The following ATRNL1 variants were observed in gnomAD, a reference collection of about 807,000 sequenced individuals.
The protein encoded by ATRNL1 is attractin-like protein 1.
A neutral mutation model predicts 182.7 loss-of-function variants in ATRNL1; 95 were observed. The observed-to-expected ratio is 0.52, with a 90% CI of 0.44 to 0.62. The LOEUF is 0.62. ATRNL1 is among the 20% of genes least tolerant of loss of function. The pLI, the probability that ATRNL1 is intolerant of heterozygous loss-of-function variation, is 0.00. For synonymous variants in ATRNL1, 576 were observed against 568.3 expected (o/e 1.01, Z -0.19); for missense variants, 1,471 against 1,679.5 (o/e 0.88, Z 2.17).
chr10:115,612,607 G>A (rs1857221179), intron 26 of ATRNL1, among the ~76,000 whole-genome samples: 1 of 152,192 alleles, frequency 6.6e-6, no homozygotes, highest in Non-Finnish European at 1.5e-5. Flanking sequence ...GGTCCTTGTG[G>A]AGACAGTATG....
At chr10:115,677,916 T>A (rs1354466234) in intron 26 of ATRNL1, among the ~76,000 whole-genome samples, 2 of 152,004 alleles carry the variant, frequency 1.3e-5, no homozygotes, top group African/African-American at 4.8e-5. Context: ...CCAGCAGATA[T>A]CGGGCATAGT....
chr10:115,707,679 T>C (rs1946943907), intron 26 of ATRNL1, among the ~76,000 whole-genome samples: 1 of 151,798 alleles, frequency 6.6e-6, no homozygotes, highest in African/African-American at 2.4e-5. Context: ...GTTATTAAGA[T>C]TCCTTGAAAA....
chr10:115,404,625 A>C (rs551575084), intron 20 of ATRNL1, among the ~76,000 whole-genome samples: 5 of 152,194 alleles, frequency 3.3e-5, no homozygotes, highest in African/African-American at 4.8e-5. Flanking sequence ...ATATTCTTCC[A>C]TGAGTAATTA....
intron 26 of ATRNL1, among the ~76,000 whole-genome samples, chr10:115,552,988 A>T (rs1379172411): frequency 1.3e-5 from 2 of 151,370 alleles, no homozygotes; most frequent in African/African-American, 4.8e-5. Flanking sequence ...TAGTCATCAC[A>T]TTACTGAAAT....
intron 1 of ATRNL1, among the ~76,000 whole-genome samples, chr10:115,116,985 A>G (rs1844514769): frequency 6.6e-6 from 1 of 152,004 alleles, no homozygotes; most frequent in African/African-American, 2.4e-5. Flanking sequence ...CAGTTCCTTC[A>G]CATCACTTAT....
intron 28 of ATRNL1, among the ~76,000 whole-genome samples, chr10:115,885,055 A>T (rs1589647827): frequency 1.3e-5 from 2 of 152,368 alleles, no homozygotes; most frequent in Non-Finnish European, 2.9e-5. Context: ...TTTAGAGAAT[A>T]GAAATTACCA....
intron 9 of ATRNL1, among the ~76,000 whole-genome samples, chr10:115,221,562 G>C (rs1477689881): frequency 6.6e-6 from 1 of 152,138 alleles, no homozygotes; most frequent in Non-Finnish European, 1.5e-5. Flanking sequence ...ATTTGTCAGA[G>C]ATTTAGGAGA....
At chr10:115,180,366 G>A (rs958307433) in intron 8 of ATRNL1, among the ~76,000 whole-genome samples, 1 of 151,666 alleles carries the variant, frequency 6.6e-6, no homozygotes, top group Non-Finnish European at 1.5e-5. Flanking sequence ...TGTTTATCAC[G>A]ATTATTACCA....
intron 26 of ATRNL1, among the ~76,000 whole-genome samples, chr10:115,656,652 G>T (rs1311427632): frequency 6.6e-6 from 1 of 152,196 alleles, no homozygotes; most frequent in African/African-American, 2.4e-5. Context: ...TAAAATGATT[G>T]TAAAATAAAA....
At chr10:115,721,384 A>C (rs1056078628) in intron 26 of ATRNL1, among the ~76,000 whole-genome samples, 1 of 152,154 alleles carries the variant, frequency 6.6e-6, no homozygotes, top group African/African-American at 2.4e-5. Context: ...TGGTATATAC[A>C]TATATATAAG....
chr10:115,367,771 C>A (rs193057341), intron 19 of ATRNL1, among the ~76,000 whole-genome samples: 2,130 of 80,876 alleles, frequency 0.026, 71 homozygotes, highest in Admixed American at 0.083. Context: ...TGTTGGAATA[C>A]CCTGCTGTGT....
At chr10:115,656,763 G>C (rs1323033348) in intron 26 of ATRNL1, among the ~76,000 whole-genome samples, 3 of 152,182 alleles carry the variant, frequency 2.0e-5, no homozygotes, top group Admixed American at 6.5e-5. Flanking sequence ...TTTTTGAACT[G>C]AGTGGTGGTA....
At chr10:115,423,061 A>G (rs1471341069) in intron 20 of ATRNL1, among the ~76,000 whole-genome samples, 6 of 152,194 alleles carry the variant, frequency 3.9e-5, no homozygotes, top group African/African-American at 1.4e-4. Flanking sequence ...ACAATAATTT[A>G]TTGTACATTT....
chr10:115,152,793 C>A (rs372770632), intron 5 of ATRNL1, among the ~76,000 whole-genome samples: 10 of 151,634 alleles, frequency 6.6e-5, no homozygotes, highest in Non-Finnish European at 1.0e-4. Flanking sequence ...GTCTTGTGCC[C>A]GTTTTCAAAG....
intron 27 of ATRNL1, among the ~76,000 whole-genome samples, chr10:115,821,987 G>A (rs1308492550): frequency 2.0e-5 from 3 of 152,092 alleles, no homozygotes; most frequent in Non-Finnish European, 4.4e-5. Context: ...AATCTACTCA[G>A]CACCACATCA....
chr10:115,668,927 C>G (rs1484716958), intron 26 of ATRNL1, among the ~76,000 whole-genome samples: 1 of 151,942 alleles, frequency 6.6e-6, no homozygotes, highest in African/African-American at 2.4e-5. Flanking sequence ...TGTCATTATT[C>G]CCCTCAGACA....
At chr10:115,272,946 A>G (rs1851936589) in intron 13 of ATRNL1, among the ~76,000 whole-genome samples, 1 of 152,156 alleles carries the variant, frequency 6.6e-6, no homozygotes, top group Non-Finnish European at 1.5e-5. Flanking sequence ...TACTGATGGC[A>G]GTTATGGCAG....
At chr10:115,511,242 T>G (rs1554982614) in intron 24 of ATRNL1, among the ~76,000 whole-genome samples, 2 of 151,954 alleles carry the variant, frequency 1.3e-5, no homozygotes, top group African/African-American at 4.8e-5. Context: ...ATGGAATAGA[T>G]TTCATCGTGG....
At chr10:115,920,110 ATCCT>A (rs1370316268) in intron 28 of ATRNL1, among the ~76,000 whole-genome samples, 2 of 152,162 alleles carry the variant, frequency 1.3e-5, no homozygotes, top group African/African-American at 4.8e-5. Flanking sequence ...GTCCAGTCTC[ATCCT>A]TCCTAACAAC....
Sources: gnomAD v4.1 joint callset for allele counts (sites outside exome capture counted in the v4.1 genomes callset) on GRCh38, gnomAD v4.1.1 for gene constraint, MANE v1.5 for transcripts, NCBI Gene and HGNC (gene_info 2026-07-23, HGNC 2026-07-21) for gene names.